The following RMC1 variants were observed in gnomAD, a reference collection of about 807,000 sequenced individuals.
RMC1 encodes regulator of MON1-CCZ1, also known as regulator of MON1-CCZ1 complex.
A neutral mutation model predicts 95.5 loss-of-function variants in RMC1; 44 were observed. That is an observed-to-expected ratio of 0.46 (90% CI 0.36 to 0.59). The LOEUF is 0.59. Among genes scored for constraint, RMC1 ranks in the 20% least tolerant of loss-of-function variants. The pLI is 0.00. For missense variants in RMC1, 705 were observed against 819.6 expected (o/e 0.86, Z 1.71); for synonymous variants, 320 against 303.6 (o/e 1.05, Z -0.56).
chr18:23,531,017 C>T (rs188118711), intron 19 of RMC1, among the ~76,000 whole-genome samples: 1 of 151,794 alleles, frequency 6.6e-6, no homozygotes, highest in Non-Finnish European at 1.5e-5. Context: ...TTTTTTGAGA[C>T]AGAGTCTCGC....
chr18:23,507,244 A>T (rs1380728552), intron 3 of RMC1, among the ~76,000 whole-genome samples, 190 bp downstream of exon 3: 5 of 152,184 alleles, frequency 3.3e-5, no homozygotes, highest in Admixed American at 2.0e-4. Flanking sequence ...AAATGACCTT[A>T]GTTTGATTTT....
Position 23,531,683 on chromosome 18 carries a change from AATG to A in RMC1, c.1955_1957del (p.Met652del), listed in dbSNP as rs931222511. Reference sequence around the variant, plus strand: ...AACAGATTTTTGGAGACCAAGCTCTAATGAGGCCTACAACATTCTGAAATCACT... The same window carrying A: ...AACAGATTTTTGGAGACCAAGCTCTAAGGCCTACAACATTCTGAAATCACT... On this transcript the variant is annotated inframe_deletion, in exon 20 of 20. Transcript: ENST00000269221. 1 of 1,613,164 alleles carries A rather than the reference AATG, an allele frequency of 6.2e-7. No individual in the cohort carries two copies. The highest frequency in any genetic ancestry group is 8.5e-7 in the Non-Finnish European group (1 of 1,179,868).
intron 5 of RMC1, among the ~76,000 whole-genome samples, chr18:23,513,849 G>A (rs568233673): frequency 6.6e-6 from 1 of 152,300 alleles, no homozygotes; most frequent in South Asian, 2.1e-4. Context: ...ACTAATTCGG[G>A]TCATTGTGCC....
At position 23,527,989 on chromosome 18, in the gene RMC1, T is replaced by C. The variant is rs1300285194; in HGVS notation, c.1296+88T>C. The C allele has an allele frequency of 4.5e-6, 5 of 1,114,886 alleles. No homozygotes were observed. The East Asian group carries it at 7.9e-5, about 18-fold the overall frequency. The allele number at this position is 1,114,886 out of a possible 1,614,324, so 69.1% of individuals were successfully genotyped here. ...GTAATTATGATGCAAAATTGTTTCC[T>C]ATATATTAGAATAAGGTCGCTGAGA... On this transcript the variant is annotated intron_variant, in intron 14 of 19. Transcript: ENST00000269221.
At chr18:23,529,109 T>C (rs2058400814) in intron 14 of RMC1, 70 bp from the exon 15 acceptor site, 2 of 1,557,108 alleles carry the variant, frequency 1.3e-6, no homozygotes, top group Non-Finnish European at 1.7e-6. Context: ...TCAGTCCTTG[T>C]GGATGAACTG....
chr18:23,531,431 G>A (rs995405817), intron 19 of RMC1, 194 bp from the exon 20 acceptor site: 9 of 1,193,530 alleles, frequency 7.5e-6, no homozygotes, highest in Non-Finnish European at 1.0e-5. Flanking sequence ...ATAAGGACAG[G>A]TTAGATAGAA....
rs1267878757 is a variant in RMC1 at position 23,515,829 on chromosome 18, G to T, written c.409-27G>T. On this transcript the variant is annotated intron_variant, in intron 5 of 19. Coordinates refer to ENST00000269221, the MANE Select transcript of RMC1 (RefSeq NM_013326.5). ...ATTAGTTTGCCGTTTTTTAAATGAA[G>T]ATCCTGTTTCTTAAACTCTGCTTCA... 4.3e-6 allele frequency: 7 copies of T among 1,613,246 alleles called. No homozygotes were observed. In the South Asian group the frequency reaches 6.6e-5, roughly 15 times the overall value.
At chr18:23,529,410 G>T in intron 15 of RMC1, 112 bp downstream of exon 15, 1 of 1,452,590 alleles carries the variant, frequency 6.9e-7, no homozygotes, top group East Asian at 2.4e-5. Flanking sequence ...TAGAATCACT[G>T]GAGTTTCCTT....
chr18:23,529,228 T>A lies in RMC1; in HGVS notation c.1346T>A (p.Val449Glu). The A allele has an allele frequency of 6.2e-7, 1 of 1,614,072 alleles. No individual in the cohort carries two copies. ...SRSSPLLKRP[V>E]RTQAVLDQSD... ...AGCAGCCCGCTCCTCAAGAGGCCGG[T>A]GCGGACCCAGGCGGTGCTGGACCAG... Residue 449 changes from valine (V) to glutamate (E), a missense_variant, in exon 15 of 20, where the codon GTG (valine) becomes GAG (glutamate). Val to Glu is a moderately radical substitution (Grantham distance 121, BLOSUM62 -2). Coordinates refer to ENST00000269221, the MANE Select transcript of RMC1 (RefSeq NM_013326.5).
intron 3 of RMC1, among the ~76,000 whole-genome samples, chr18:23,507,270 AT>A (rs532551652): frequency 1.6e-4 from 24 of 151,820 alleles, no homozygotes; most frequent in Non-Finnish European, 2.8e-4. Context: ...TAAATTAAAA[AT>A]TTTTTTTTGA....
At chr18:23,504,605 G>GGCACTTACTA in intron 2 of RMC1, 158 bp downstream of exon 2, 1 of 604,230 alleles carries the variant, frequency 1.7e-6, no homozygotes, top group Non-Finnish European at 2.9e-6. Context: ...GGGTCTTCGT[G>GGCACTTACTA]GCACTTACTA....
chr18:23,530,926 G>A (rs1458377179), intron 19 of RMC1, among the ~76,000 whole-genome samples: 1 of 152,168 alleles, frequency 6.6e-6, no homozygotes, highest in Non-Finnish European at 1.5e-5. Context: ...ACGGCAAATG[G>A]TGGCTAAGGG....
intron 10 of RMC1, 44 bp from the exon 11 acceptor site, chr18:23,524,086 A>T: frequency 6.2e-7 from 1 of 1,605,182 alleles, no homozygotes; most frequent in South Asian, 1.1e-5. Context: ...CATTTGCAGC[A>T]TTTTCTGACT....
At chr18:23,507,923 C>T (rs1013003532) in intron 3 of RMC1, 62 bp from the exon 4 acceptor site, 6 of 1,488,344 alleles carry the variant, frequency 4.0e-6, no homozygotes, top group Admixed American at 1.9e-5. Flanking sequence ...AGTATGCCAA[C>T]GTAGGTTGGC....
Position 23,519,365 on chromosome 18 carries a change from A to G in RMC1, c.849+191A>G, listed in dbSNP as rs561102299. ...AAACCCCACCTATATAAAAAATACA[A>G]AAATTAGCCGGGCGTGGTAGTGCAC... On this transcript the variant is annotated intron_variant, in intron 9 of 19. Coordinates refer to ENST00000269221, the MANE Select transcript of RMC1 (RefSeq NM_013326.5). Among the ~76,000 whole-genome samples the G allele has an allele frequency of 4.6e-5, 7 of 152,206 alleles. No individual in the cohort carries two copies. In the East Asian group the frequency reaches 1.4e-3, roughly 29 times the overall value.
intron 5 of RMC1, among the ~76,000 whole-genome samples, chr18:23,511,137 T>C (rs954330243): frequency 6.6e-6 from 1 of 152,254 alleles, no homozygotes; most frequent in Non-Finnish European, 1.5e-5. Context: ...CATGGAATAC[T>C]ATGCAGCCAT....
intron 13 of RMC1, 85 bp downstream of exon 13, chr18:23,526,850 G>A: frequency 6.6e-7 from 1 of 1,521,668 alleles, no homozygotes; most frequent in East Asian, 2.3e-5. Context: ...GGGCTACATT[G>A]TTGTGTCTTG....
At chr18:23,507,588 C>T (rs2057747698) in intron 3 of RMC1, among the ~76,000 whole-genome samples, 1 of 152,112 alleles carries the variant, frequency 6.6e-6, no homozygotes, top group Non-Finnish European at 1.5e-5. Flanking sequence ...TCACCATTGC[C>T]GTTTGTAGAG....
chr18:23,507,774 C>T (rs2057751455), intron 3 of RMC1, among the ~76,000 whole-genome samples: 1 of 152,108 alleles, frequency 6.6e-6, no homozygotes, highest in African/African-American at 2.4e-5. Context: ...TTTGTATTAA[C>T]TTAAAAAAAA....
Sources: gnomAD v4.1 joint callset for allele counts (sites outside exome capture counted in the v4.1 genomes callset) on GRCh38, gnomAD v4.1.1 for gene constraint, MANE v1.5 for transcripts, NCBI Gene and HGNC (gene_info 2026-07-23, HGNC 2026-07-21) for gene names.